PCDHGB4: variants seen among roughly 807,000 people sequenced by gnomAD.
PCDHGB4 encodes protocadherin gamma subfamily B, 4.
PCDHGB4 carries 38 observed loss-of-function variants against 60.5 expected under a neutral mutation model. That is an observed-to-expected ratio of 0.63 (90% CI 0.48 to 0.82). The LOEUF is 0.82. PCDHGB4 is among the 40% of genes least tolerant of loss of function. PCDHGB4 has a pLI of 0.00. For synonymous variants in PCDHGB4, 456 were observed against 509.7 expected (o/e 0.89, Z 1.42); for missense variants, 1,109 against 1,209.6 (o/e 0.92, Z 1.23).
At chr5:141,472,980 C>CAAAAAAA (rs60579131) in intron 1 of PCDHGB4, among the ~76,000 whole-genome samples, 1 of 86,102 alleles carries the variant, frequency 1.2e-5, no homozygotes, top group South Asian at 4.3e-4. Flanking sequence ...GAGTGAAACT[C>CAAAAAAA]AAAAAAAAAA....
At chr5:141,403,075 G>A (rs1188549930) in intron 1 of PCDHGB4, 5 of 1,613,968 alleles carry the variant, frequency 3.1e-6, no homozygotes, top group Non-Finnish European at 4.2e-6. Flanking sequence ...AGACAGAAAA[G>A]GGCTATATTG....
At chr5:141,478,452 C>T (rs763187393) in intron 1 of PCDHGB4, 1 of 1,613,598 alleles carries the variant, frequency 6.2e-7, no homozygotes, top group Admixed American at 1.7e-5. Context: ...CCTGGTGCAG[C>T]CAGTCCACTG....
chr5:141,483,648 TTGTG>T (rs111458813), intron 1 of PCDHGB4, among the ~76,000 whole-genome samples: 10 of 149,592 alleles, frequency 6.7e-5, no homozygotes, highest in Non-Finnish European at 1.0e-4. Flanking sequence ...GGGTGTGTGT[TTGTG>T]TGTGTGTGTG....
At chr5:141,394,240 C>T in intron 1 of PCDHGB4, 1 of 1,613,940 alleles carries the variant, frequency 6.2e-7, no homozygotes, top group Non-Finnish European at 8.5e-7. Context: ...TCCTTGACTG[C>T]ACACGACCCC....
At chr5:141,442,005 C>G (rs1037210381) in intron 1 of PCDHGB4, 1 of 229,014 alleles carries the variant, frequency 4.4e-6, no homozygotes. Flanking sequence ...GCTGACAGCT[C>G]GCACGATGGG....
rs764976894 is a variant in PCDHGB4, at chr5:141,476,238, G to T, written c.2398-18569G>T. On this transcript the variant is annotated intron_variant, in intron 1 of 3. Transcript: ENST00000519479. The surrounding 1 kb of genome is among the most constrained non-coding windows in gnomAD (Gnocchi z 7.6). ...ATTCACTATGAGATCCCGGAGGAAA[G>T]AGAGAAGGGTTTCGCTGTGGGCAAC... is the stretch of plus-strand genomic sequence containing the variant. The T allele has an allele frequency of 3.1e-6, 5 of 1,614,098 alleles. No individual in the cohort carries two copies. The highest frequency in any genetic ancestry group is 4.2e-6 in the Non-Finnish European group (5 of 1,180,012).
At position 141,388,414 on chromosome 5, in the gene PCDHGB4, A is replaced by G; in HGVS notation, c.530A>G (p.His177Arg). ...AATTACCAACTCAGTCCCAGTGATCATTTCTCACTGATAAATAAAGAGAAA... is the reference window on the plus strand; with the variant it reads ...AATTACCAACTCAGTCCCAGTGATCGTTTCTCACTGATAAATAAAGAGAAA... ...LQNYQLSPSD[H>R]FSLINKEKSD... is the part of the protein sequence containing the mutation. The change falls in exon 1 of 4, where the codon CAT becomes CGT. Residue 177 changes from histidine (H) to arginine (R), a missense_variant. By Grantham distance (29) the His-to-Arg change is conservative. Coordinates refer to ENST00000519479, the MANE Select transcript of PCDHGB4 (RefSeq NM_003736.4). 1.2e-6 allele frequency: 2 copies of G among 1,613,970 alleles called. No homozygotes were observed. The highest frequency in any genetic ancestry group is 1.7e-6 in the Non-Finnish European group (2 of 1,179,882).
intron 1 of PCDHGB4, chr5:141,400,383 T>C (rs1267422491): frequency 6.2e-7 from 1 of 1,614,088 alleles, no homozygotes. Flanking sequence ...ACCTATGTGT[T>C]GCACATACAG....
At chr5:141,430,384 A>G (rs547268242) in intron 1 of PCDHGB4, among the ~76,000 whole-genome samples, 32 of 122,116 alleles carry the variant, frequency 2.6e-4, no homozygotes, top group East Asian at 6.6e-4. Context: ...GCTCATTGGG[A>G]AAAAAAAAAA....
At chr5:141,483,064 A>G (rs1245942485) in intron 1 of PCDHGB4, among the ~76,000 whole-genome samples, 2 of 152,142 alleles carry the variant, frequency 1.3e-5, no homozygotes, top group Non-Finnish European at 2.9e-5. Context: ...CAGCATGGGC[A>G]ACAGAGAGAG....
At chr5:141,434,683 T>A (rs1057301534) in intron 1 of PCDHGB4, among the ~76,000 whole-genome samples, 8 of 152,248 alleles carry the variant, frequency 5.3e-5, no homozygotes, top group Non-Finnish European at 5.9e-5. Flanking sequence ...AATGACTGGC[T>A]TGCTGTTAAT....
At chr5:141,400,431 A>T (rs542969819) in intron 1 of PCDHGB4, 1 of 1,614,034 alleles carries the variant, frequency 6.2e-7, no homozygotes. Context: ...GTAGTGAGCA[A>T]TTGAGTTCAG....
In PCDHGB4 at chr5:141,490,028, G is replaced by A. The variant is rs752883792; in HGVS notation, c.2398-4779G>A. ...GCACCCATTGGTACTCTGCTGCTCC[G>A]CCTCAATGCCACTGATCCAGACGAG... On this transcript the variant is annotated intron_variant, in intron 1 of 3. Coordinates refer to ENST00000519479, the MANE Select transcript of PCDHGB4 (RefSeq NM_003736.4). The surrounding 1 kb of genome is among the most constrained non-coding windows in gnomAD (Gnocchi z 5.4). 20 of 1,614,070 alleles carry A rather than the reference G, an allele frequency of 1.2e-5. 1 individual carries two copies. Among genetic ancestry groups the A allele is most frequent in the South Asian group, 3.3e-5 (3 of 91,090 alleles).
At chr5:141,415,437 G>A in intron 1 of PCDHGB4, 1 of 1,614,200 alleles carries the variant, frequency 6.2e-7, no homozygotes, top group Non-Finnish European at 8.5e-7. Flanking sequence ...GGGCTTTCCT[G>A]CAGACCTATT....
intron 1 of PCDHGB4, among the ~76,000 whole-genome samples, chr5:141,401,116 G>A (rs763920346): frequency 1.3e-5 from 2 of 152,036 alleles, no homozygotes; most frequent in African/African-American, 2.4e-5. Flanking sequence ...GGCCGAGGCG[G>A]TTGGATCACA....
intron 2 of PCDHGB4, among the ~76,000 whole-genome samples, chr5:141,500,928 G>A (rs2099803943): frequency 6.6e-6 from 1 of 151,476 alleles, no homozygotes; most frequent in African/African-American, 2.4e-5. Context: ...GGGTGCAGTG[G>A]CGCCATCTCG....
At chr5:141,469,372 C>A (rs780872014) in intron 1 of PCDHGB4, among the ~76,000 whole-genome samples, 1 of 151,990 alleles carries the variant, frequency 6.6e-6, no homozygotes, top group East Asian at 1.9e-4. Context: ...GTAAAGAGAT[C>A]GAGACCATCC....
At chr5:141,415,123 G>T (rs1349224471) in intron 1 of PCDHGB4, 3 of 1,613,540 alleles carry the variant, frequency 1.9e-6, no homozygotes. Flanking sequence ...CGTAGTGGCC[G>T]TCCAGGACCA....
At position 141,498,920 on chromosome 5, in the gene PCDHGB4, G is replaced by A. The variant is rs930391165; in HGVS notation, c.2456+4055G>A. On this transcript the variant is annotated intron_variant, in intron 2 of 3. Transcript: ENST00000519479. ...TGCACTCCAGTCTGGGTGACAGAGC[G>A]AGACTCCATCAGGAAAGAAAGAAAG... 3.3e-4 allele frequency among the ~76,000 whole-genome samples: 47 copies of A among 142,950 alleles called. 1 individual carries two copies. Among genetic ancestry groups the A allele is most frequent in the African/African-American group, 8.9e-4 (35 of 39,160 alleles). The allele number at this position is 142,950 out of a possible 152,430, so 93.8% of individuals were successfully genotyped here. A position where few individuals can be genotyped will look rare whatever the true frequency, so the allele number is the denominator to read the frequency against.
Sources: gnomAD v4.1 joint callset for allele counts (sites outside exome capture counted in the v4.1 genomes callset) on GRCh38, gnomAD v4.1.1 for gene constraint, Gnocchi (gnomAD v3.1) non-coding constraint, MANE v1.5 for transcripts, NCBI Gene and HGNC (gene_info 2026-07-23, HGNC 2026-07-21) for gene names.